RAD51B: variants seen among roughly 807,000 people sequenced by gnomAD.
RAD51B encodes the protein DNA repair protein RAD51 homolog 2.
RAD51B carries 38 observed loss-of-function variants against 42.2 expected under a neutral mutation model. That is an observed-to-expected ratio of 0.90 (90% CI 0.70 to 1.18). The LOEUF is 1.18. Ranked by LOEUF, RAD51B falls within the 50% of genes most tolerant of loss-of-function variation. RAD51B has a pLI of 0.00. For synonymous variants in RAD51B, 154 were observed against 145.2 expected, an observed-to-expected ratio of 1.06 and a Z score of -0.43; for missense variants, 373 against 400.7, an observed-to-expected ratio of 0.93 and a Z score of 0.59.
intron 9 of RAD51B, among the ~76,000 whole-genome samples, chr14:68,433,620 A>G (rs1308765569): frequency 4.6e-5 from 7 of 152,104 alleles, no homozygotes; most frequent in African/African-American, 1.7e-4. Flanking sequence ...GGACTTCTCT[A>G]CACTGGTTAT....
At chr14:68,210,159 C>T (rs562612180) in intron 7 of RAD51B, among the ~76,000 whole-genome samples, 2 of 152,014 alleles carry the variant, frequency 1.3e-5, no homozygotes, top group Non-Finnish European at 2.9e-5. Context: ...AGGATTTCAC[C>T]ATGTTGGCCA....
At chr14:67,856,292 A>G (rs2041998294) in intron 4 of RAD51B, among the ~76,000 whole-genome samples, 1 of 152,184 alleles carries the variant, frequency 6.6e-6, no homozygotes, top group Non-Finnish European at 1.5e-5. Context: ...TGTTGGTGTA[A>G]AGTAATTTAA....
At chr14:68,568,383 G>A (rs1226861643) in intron 10 of RAD51B, among the ~76,000 whole-genome samples, 1 of 152,170 alleles carries the variant, frequency 6.6e-6, no homozygotes, top group Admixed American at 6.5e-5. Flanking sequence ...GCTGCAAGTG[G>A]TACAGCTTAT....
chr14:68,406,815 T>C (rs2084288325), intron 8 of RAD51B, among the ~76,000 whole-genome samples: 2 of 152,258 alleles, frequency 1.3e-5, no homozygotes, highest in African/African-American at 4.8e-5. Flanking sequence ...ATCCTTATTC[T>C]ATAATCTTAT....
intron 11 of RAD51B, among the ~76,000 whole-genome samples, chr14:68,669,762 G>A (rs1204248725): frequency 1.3e-5 from 2 of 152,038 alleles, no homozygotes; most frequent in Admixed American, 6.5e-5. Flanking sequence ...AATTTCACAT[G>A]GCCCCTGGCC....
chr14:68,655,743 A>G (rs1360179880), intron 11 of RAD51B, among the ~76,000 whole-genome samples: 2 of 152,198 alleles, frequency 1.3e-5, no homozygotes, highest in East Asian at 3.9e-4. Flanking sequence ...AGCCATGGCC[A>G]AGAGGGCAGG....
intron 7 of RAD51B, among the ~76,000 whole-genome samples, chr14:68,250,364 G>A (rs1285237061): frequency 2.0e-5 from 3 of 152,196 alleles, no homozygotes; most frequent in Admixed American, 6.5e-5. Flanking sequence ...GGAATAGAAT[G>A]ATGGTAAAAA....
intron 7 of RAD51B, among the ~76,000 whole-genome samples, chr14:68,064,312 C>A (rs982701651): frequency 1.1e-4 from 16 of 152,276 alleles, no homozygotes; most frequent in Non-Finnish European, 1.9e-4. Context: ...ACTGAGGAGT[C>A]TCTTCTTAGT....
chr14:67,918,371 A>G (rs758906160), intron 7 of RAD51B, among the ~76,000 whole-genome samples: 10 of 151,994 alleles, frequency 6.6e-5, no homozygotes, highest in Non-Finnish European at 1.5e-4. Context: ...AGTAGCTGGG[A>G]TTGTGGGCAT....
At chr14:67,950,748 A>T (rs909706425) in intron 7 of RAD51B, among the ~76,000 whole-genome samples, 1 of 152,170 alleles carries the variant, frequency 6.6e-6, no homozygotes, top group African/African-American at 2.4e-5. Flanking sequence ...AAAGTGAGAG[A>T]TGTGTGACTG....
At chr14:67,915,294 G>A (rs1566955986) in intron 7 of RAD51B, among the ~76,000 whole-genome samples, 1 of 152,200 alleles carries the variant, frequency 6.6e-6, no homozygotes. Flanking sequence ...GGGGGGATTA[G>A]GTGTCAGTCA....
chr14:68,032,955 G>A (rs796515549), intron 7 of RAD51B, among the ~76,000 whole-genome samples: 23 of 152,060 alleles, frequency 1.5e-4, no homozygotes, highest in African/African-American at 5.5e-4. Flanking sequence ...ATCCTTCTTG[G>A]GGATCATTGC....
intron 7 of RAD51B, among the ~76,000 whole-genome samples, chr14:68,287,463 C>G (rs912177654): frequency 2.6e-5 from 4 of 152,112 alleles, no homozygotes; most frequent in Non-Finnish European, 5.9e-5. Flanking sequence ...TCTTCTTCCT[C>G]GAGAGAAGCT....
chr14:68,175,581 G>T (rs2078948357), intron 7 of RAD51B, among the ~76,000 whole-genome samples: 1 of 152,160 alleles, frequency 6.6e-6, no homozygotes, highest in South Asian at 2.1e-4. Flanking sequence ...ATGAGTGCTG[G>T]GGCATGATAC....
At chr14:68,280,789 C>T (rs1254824081) in intron 7 of RAD51B, among the ~76,000 whole-genome samples, 1 of 152,152 alleles carries the variant, frequency 6.6e-6, no homozygotes, top group Non-Finnish European at 1.5e-5. Context: ...CAAGGTGGCT[C>T]ACACCTGTAA....
intron 10 of RAD51B, among the ~76,000 whole-genome samples, chr14:68,531,119 A>T (rs1480046058): frequency 6.6e-6 from 1 of 151,986 alleles, no homozygotes; most frequent in Non-Finnish European, 1.5e-5. Context: ...AGAAAGCAGA[A>T]TATAGAAAAT....
intron 7 of RAD51B, among the ~76,000 whole-genome samples, chr14:68,203,030 G>T (rs1396513926): frequency 6.6e-6 from 1 of 152,082 alleles, no homozygotes; most frequent in Non-Finnish European, 1.5e-5. Context: ...TCATCCCTGA[G>T]GGTTGGAATC....
At chr14:68,291,644 T>G (rs904066088) in intron 7 of RAD51B, among the ~76,000 whole-genome samples, 4 of 152,234 alleles carry the variant, frequency 2.6e-5, no homozygotes, top group African/African-American at 7.2e-5. Context: ...GAGGTTTTAC[T>G]CTGAAAAAAG....
intron 7 of RAD51B, among the ~76,000 whole-genome samples, chr14:67,981,804 A>C (rs10151123): frequency 0.06 from 9,096 of 152,214 alleles, 634 homozygotes; most frequent in African/African-American, 0.17. Flanking sequence ...GAGATGGGGA[A>C]TAGAGGAGGA....
Sources: gnomAD v4.1 joint callset for allele counts (sites outside exome capture counted in the v4.1 genomes callset) on GRCh38, gnomAD v4.1.1 for gene constraint, MANE v1.5 for transcripts, NCBI Gene and HGNC (gene_info 2026-07-23, HGNC 2026-07-21) for gene names.